SSR4: variants seen among roughly 807,000 people sequenced by gnomAD.
SSR4 encodes the protein signal sequence receptor subunit 4.
For missense variants in SSR4, 125 were observed against 148.8 expected, an observed-to-expected ratio of 0.84 and a Z score of 0.83; for synonymous variants, 84 against 65.6, an observed-to-expected ratio of 1.28 and a Z score of -1.35.
chrX:153,797,041 G>A, intron 2 of SSR4: 1 of 189,896 alleles, frequency 5.3e-6, no homozygotes, highest in Non-Finnish European at 9.8e-6. Flanking sequence ...ACCATGCCCA[G>A]CTAAGTTCCC....
chrX:153,794,592 G>C (rs1340019842), upstream of SSR4: 1 of 1,192,846 alleles, frequency 8.4e-7, no homozygotes, highest in Non-Finnish European at 1.1e-6. Flanking sequence ...TTCGGTGCGC[G>C]ATTGGCTGCC....
chrX:153,796,045 T>A, intron 1 of SSR4: 1 of 191,389 alleles, frequency 5.2e-6, no homozygotes, highest in Non-Finnish European at 8.9e-6. Context: ...ATGTCTCTGC[T>A]GAGGATGCCT....
chrX:153,797,907 G>A (rs952994987), intron 4 of SSR4, 93 bp downstream of exon 4: 2 of 881,986 alleles, frequency 2.3e-6, no homozygotes, highest in Non-Finnish European at 1.6e-6. Flanking sequence ...TGAGCTGGGT[G>A]GCCTTTCTGT....
chrX:153,797,193 C>T, intron 2 of SSR4: 5 of 388,837 alleles, frequency 1.3e-5, no homozygotes, highest in Non-Finnish European at 2.3e-5. Flanking sequence ...TTGATCATCC[C>T]GCCCCTGCTC....
chrX:153,797,567 C>G (rs1557072884), intron 3 of SSR4, 35 bp downstream of exon 3: 1 of 1,182,676 alleles, frequency 8.5e-7, no homozygotes, highest in African/African-American at 1.8e-5. Context: ...TAGGGGGCTC[C>G]CTGCTCCCGG....
intron 2 of SSR4, 147 bp from the exon 3 acceptor site, chrX:153,797,311 T>C: frequency 1.0e-5 from 5 of 495,224 alleles, no homozygotes; most frequent in Non-Finnish European, 1.8e-5. Flanking sequence ...GATTGGTGAG[T>C]GTTACTTGGT....
chrX:153,794,584 C>A (rs1382971460), upstream of SSR4: 4 of 1,188,498 alleles, frequency 3.4e-6, no homozygotes, highest in Non-Finnish European at 4.5e-6. Flanking sequence ...CCCAGCCGTT[C>A]GGTGCGCGAT....
intron 1 of SSR4, chrX:153,795,237 C>T: frequency 8.1e-6 from 1 of 124,122 alleles, no homozygotes; most frequent in Non-Finnish European, 1.7e-5. Flanking sequence ...CCGGAGGGCC[C>T]TGCCTTACCC....
At chrX:153,797,141 C>T in intron 2 of SSR4, 2 of 324,642 alleles carry the variant, frequency 6.2e-6, no homozygotes, top group Non-Finnish European at 1.1e-5. Context: ...CACCCCTGAC[C>T]CCAGCACCTC....
upstream of SSR4, chrX:153,794,587 T>C (rs1557071634): frequency 8.4e-7 from 1 of 1,190,693 alleles, no homozygotes; most frequent in Non-Finnish European, 1.1e-6. Flanking sequence ...AGCCGTTCGG[T>C]GCGCGATTGG....
At chrX:153,795,811 G>A (rs1260267826) in intron 1 of SSR4, 24 of 753,964 alleles carry the variant, frequency 3.2e-5, no homozygotes, top group Non-Finnish European at 3.4e-5. Context: ...TGATGTAGGC[G>A]GCAGCCTTCC....
At position 153,797,987 on chromosome X, in the gene SSR4, T is replaced by C. The variant is rs1324746536; in HGVS notation, c.352-84T>C. On this transcript the variant is annotated intron_variant, in intron 4 of 5. Transcript: ENST00000370086. Reference sequence around the variant, plus strand: ...CCTTTTCTGGGGCTTGGGCCGGTGTTCCTACCTGTCTTTCCCCTCCCCTCC... The same window carrying C: ...CCTTTTCTGGGGCTTGGGCCGGTGTCCCTACCTGTCTTTCCCCTCCCCTCC... 10 of 977,105 alleles carry C rather than the reference T, an allele frequency of 1.0e-5. No individual in the cohort carries two copies. The Admixed American group carries it at 2.0e-4, about 20-fold the overall frequency. 80.5% of individuals were successfully genotyped at this position (977,105 alleles called of 1,213,427 possible).
chrX:153,796,371 C>T (rs1313396988), intron 1 of SSR4, 63 bp from the exon 2 acceptor site: 1 of 851,309 alleles, frequency 1.2e-6, no homozygotes, highest in East Asian at 3.1e-5. Flanking sequence ...GCCGGGCCAT[C>T]CTGCCCTCAG....
intron 1 of SSR4, chrX:153,795,756 G>A: frequency 1.3e-6 from 1 of 755,113 alleles, no homozygotes; most frequent in Non-Finnish European, 1.6e-6. Context: ...GACAGCGGGT[G>A]GCTGAGAACA....
chrX:153,794,208 G>T, upstream of SSR4: 1 of 1,152,203 alleles, frequency 8.7e-7, no homozygotes, highest in Non-Finnish European at 1.2e-6. Context: ...GCTCCCCTGC[G>T]ACCGCTGCCG....
chrX:153,798,020 C>A, intron 4 of SSR4, 51 bp from the exon 5 acceptor site: 1 of 997,256 alleles, frequency 1.0e-6, no homozygotes, highest in Non-Finnish European at 1.4e-6. Context: ...TCCCCACCCC[C>A]ACACGCCAGG....
intron 3 of SSR4, 47 bp from the exon 4 acceptor site, chrX:153,797,678 C>T (rs1557072949): frequency 7.0e-6 from 8 of 1,143,703 alleles, no homozygotes; most frequent in Non-Finnish European, 9.5e-6. Context: ...GTCAGGGTGG[C>T]CCCTCCGTGT....
At chrX:153,796,222 C>A in intron 1 of SSR4, 4 of 415,733 alleles carry the variant, frequency 9.6e-6, no homozygotes, top group South Asian at 7.2e-5. Flanking sequence ...CCTTGCCCCT[C>A]CCCAGCCTTC....
At chrX:153,795,071 T>G (rs2092131384) in intron 1 of SSR4, 1 of 299,786 alleles carries the variant, frequency 3.3e-6, no homozygotes, top group Non-Finnish European at 5.9e-6. Flanking sequence ...GGAGCGAAGC[T>G]CTGTAGCGCT....
Sources: gnomAD v4.1 joint callset for allele counts on GRCh38, gnomAD v4.1.1 for gene constraint, MANE v1.5 for transcripts, NCBI Gene and HGNC (gene_info 2026-07-23, HGNC 2026-07-21) for gene names.